PIBF1: variants seen among roughly 807,000 people sequenced by gnomAD.
The protein encoded by PIBF1 is progesterone-induced-blocking factor 1.
PIBF1 carries 90 observed loss-of-function variants against 112.5 expected under a neutral mutation model. The observed-to-expected ratio is 0.80, with a 90% CI of 0.67 to 0.95. PIBF1 has a LOEUF of 0.95. Among genes scored for constraint, PIBF1 ranks in the 40% least tolerant of loss-of-function variants. The pLI is 0.00. For synonymous variants in PIBF1, 301 were observed against 288.6 expected (o/e 1.04, Z -0.44); for missense variants, 915 against 852.3 (o/e 1.07, Z -0.92).
At chr13:72,822,748 T>C (rs1225718433) in intron 6 of PIBF1, among the ~76,000 whole-genome samples, 1 of 152,266 alleles carries the variant, frequency 6.6e-6, no homozygotes, top group Non-Finnish European at 1.5e-5. Context: ...ACAAATTGCA[T>C]AATACCGTAT....
At position 72,868,944 on chromosome 13, in the gene PIBF1, A is replaced by G. The variant is rs138781344; in HGVS notation, c.1322+14789A>G. Among the ~76,000 whole-genome samples the G allele has an allele frequency of 3.6e-3, 555 of 152,268 alleles. 2 individuals are homozygous for G. Among genetic ancestry groups the G allele is most frequent in the African/African-American group, 0.012 (505 of 41,558 alleles). ...CCATCTCACACCAGTTAGAATGGCA[A>G]TCATTAAAAAGTCAGGAAACAACAG... is the stretch of plus-strand genomic sequence containing the variant. On this transcript the variant is annotated intron_variant, in intron 10 of 17. Coordinates refer to ENST00000326291, the MANE Select transcript of PIBF1 (RefSeq NM_006346.4).
chr13:72,819,338 T>C (rs1463569614), intron 5 of PIBF1, among the ~76,000 whole-genome samples: 2 of 143,148 alleles, frequency 1.4e-5, no homozygotes, highest in Non-Finnish European at 3.1e-5. Flanking sequence ...TCCCATCTCC[T>C]AAAGCCCTTT....
intron 13 of PIBF1, among the ~76,000 whole-genome samples, chr13:72,923,499 C>A (rs2041369921): frequency 6.6e-6 from 1 of 152,188 alleles, no homozygotes; most frequent in Non-Finnish European, 1.5e-5. Context: ...AAGTGAAAAT[C>A]ATTTAAGCAA....
At chr13:72,823,375 T>C (rs2036653919) in intron 6 of PIBF1, among the ~76,000 whole-genome samples, 1 of 152,162 alleles carries the variant, frequency 6.6e-6, no homozygotes, top group African/African-American at 2.4e-5. Context: ...TTTCATTTAC[T>C]ATAATAAAAA....
intron 6 of PIBF1, among the ~76,000 whole-genome samples, chr13:72,823,744 TG>T (rs2036672395): frequency 6.6e-6 from 1 of 152,198 alleles, no homozygotes; most frequent in African/African-American, 2.4e-5. Context: ...TAGATCTGAA[TG>T]TATCACTTTT....
chr13:72,863,177 A>G (rs2038770116), intron 10 of PIBF1, among the ~76,000 whole-genome samples: 1 of 152,164 alleles, frequency 6.6e-6, no homozygotes, highest in African/African-American at 2.4e-5. Flanking sequence ...CACAGGCTAT[A>G]TAACAAAGGA....
intron 5 of PIBF1, among the ~76,000 whole-genome samples, chr13:72,800,116 A>T (rs1352516869): frequency 1.3e-5 from 2 of 152,224 alleles, no homozygotes; most frequent in African/African-American, 4.8e-5. Flanking sequence ...GCTCATTGCA[A>T]CCTCCACCTC....
chr13:72,926,545 C>T (rs148697339), intron 13 of PIBF1, among the ~76,000 whole-genome samples: 25 of 152,312 alleles, frequency 1.6e-4, no homozygotes, highest in African/African-American at 5.1e-4. Flanking sequence ...ACTGATAGAG[C>T]ACTCTTTCTA....
At chr13:72,831,297 C>T (rs149333705) in intron 8 of PIBF1, among the ~76,000 whole-genome samples, 54 of 151,966 alleles carry the variant, frequency 3.6e-4, no homozygotes, top group African/African-American at 1.3e-3. Context: ...TATTTCTTGT[C>T]TTCTGCTAGA....
At chr13:72,881,391 A>G (rs890243822) in intron 10 of PIBF1, among the ~76,000 whole-genome samples, 2 of 152,208 alleles carry the variant, frequency 1.3e-5, no homozygotes, top group African/African-American at 2.4e-5. Context: ...CCCATTTACA[A>G]TAGCTACAAA....
At chr13:72,897,615 GA>G (rs1484740471) in intron 11 of PIBF1, among the ~76,000 whole-genome samples, 1 of 152,088 alleles carries the variant, frequency 6.6e-6, no homozygotes, top group East Asian at 1.9e-4. Context: ...TAAAGGGGTG[GA>G]AAAAGGCATT....
intron 14 of PIBF1, among the ~76,000 whole-genome samples, chr13:72,931,740 A>ATATG (rs1555317865): frequency 2.8e-5 from 4 of 143,648 alleles, no homozygotes; most frequent in Non-Finnish European, 4.6e-5. Context: ...ATATATATAT[A>ATATG]TATGTATGCA....
intron 13 of PIBF1, among the ~76,000 whole-genome samples, chr13:72,917,910 G>T (rs530926885): frequency 5.9e-5 from 9 of 152,274 alleles, no homozygotes; most frequent in African/African-American, 2.2e-4. Context: ...TATACCAATT[G>T]TATGTAAGGG....
At chr13:72,959,777 G>A (rs1389680362) in intron 14 of PIBF1, among the ~76,000 whole-genome samples, 1 of 152,160 alleles carries the variant, frequency 6.6e-6, no homozygotes, top group Non-Finnish European at 1.5e-5. Context: ...CATATGTACA[G>A]GTTATTGAAA....
At chr13:72,967,339 A>G (rs2138919785) in intron 15 of PIBF1, among the ~76,000 whole-genome samples, 1 of 152,338 alleles carries the variant, frequency 6.6e-6, no homozygotes, top group Non-Finnish European at 1.5e-5. Flanking sequence ...AGTTATCTCC[A>G]AACAAATTTA....
intron 13 of PIBF1, among the ~76,000 whole-genome samples, chr13:72,930,072 C>T (rs1432377134): frequency 2.0e-5 from 3 of 152,094 alleles, no homozygotes; most frequent in Non-Finnish European, 2.9e-5. Context: ...GTTGCCCATA[C>T]TGGTCTTGAA....
chr13:73,005,013 C>T (rs1027585487), intron 17 of PIBF1, among the ~76,000 whole-genome samples: 21 of 152,088 alleles, frequency 1.4e-4, no homozygotes, highest in Middle Eastern at 6.8e-3. Context: ...GGAGAAATCC[C>T]GTCTCTACTA....
intron 2 of PIBF1, among the ~76,000 whole-genome samples, chr13:72,789,725 A>T (rs1410645425): frequency 2.0e-5 from 3 of 148,258 alleles, no homozygotes; most frequent in South Asian, 2.1e-4. Context: ...CAGATTTTTG[A>T]TTTTTTTTTT....
intron 15 of PIBF1, among the ~76,000 whole-genome samples, chr13:72,972,936 C>A (rs1414890461): frequency 1.3e-5 from 2 of 152,126 alleles, no homozygotes; most frequent in Non-Finnish European, 2.9e-5. Flanking sequence ...AATTTGTCTT[C>A]TAGTATCTTG....
Sources: gnomAD v4.1 joint callset for allele counts (sites outside exome capture counted in the v4.1 genomes callset) on GRCh38, gnomAD v4.1.1 for gene constraint, MANE v1.5 for transcripts, NCBI Gene and HGNC (gene_info 2026-07-23, HGNC 2026-07-21) for gene names.